Variants in PSEN1 observed in about 807,000 individuals in gnomAD.
The protein encoded by PSEN1 is presenilin-1.
A neutral mutation model predicts 53.5 loss-of-function variants in PSEN1; 15 were observed. That is an observed-to-expected ratio of 0.28 (90% CI 0.19 to 0.43). PSEN1 has a LOEUF of 0.43. Among genes scored for constraint, PSEN1 ranks in the 20% least tolerant of loss-of-function variants. The probability of loss-of-function intolerance (pLI) is 1.00; values close to 1 mark genes in which losing one functional copy is unlikely to be tolerated. For synonymous variants in PSEN1, 208 were observed against 209.8 expected (o/e 0.99, Z 0.08); for missense variants, 387 against 571.2 (o/e 0.68, Z 3.29).
chr14:73,197,843 T>G (rs1242104198), intron 7 of PSEN1, 188 bp from the exon 8 acceptor site: 1 of 588,934 alleles, frequency 1.7e-6, no homozygotes, highest in African/African-American at 1.9e-5. Context: ...CATTTTATTT[T>G]GTTTATGTTG....
chr14:73,162,640 CAG>C lies in PSEN1; in HGVS notation c.88-8153_88-8152del, dbSNP rs369169349. Among the ~76,000 whole-genome samples the C allele has an allele frequency of 3.1e-3, 474 of 152,072 alleles. 2 individuals are homozygous for C. The highest frequency in any genetic ancestry group is 8.6e-3 in the African/African-American group (358 of 41,496). On this transcript the variant is annotated intron_variant, in intron 3 of 11. Coordinates refer to ENST00000324501, the MANE Select transcript of PSEN1 (RefSeq NM_000021.4). The stretch of plus-strand genomic sequence containing the variant: ...ATGCCACTGCACTGCAGCCTAGTGA[CAG>C]AGAATCTGTCTCAAAGATAAGAAGA...
intron 9 of PSEN1, among the ~76,000 whole-genome samples, chr14:73,207,550 C>T (rs938579864): frequency 6.6e-6 from 1 of 152,204 alleles, no homozygotes; most frequent in Non-Finnish European, 1.5e-5. Flanking sequence ...TACTTTCAAC[C>T]AGGAATTCCT....
intron 6 of PSEN1, among the ~76,000 whole-genome samples, chr14:73,189,295 A>AT (rs1156931966): frequency 6.6e-6 from 1 of 152,218 alleles, no homozygotes; most frequent in Non-Finnish European, 1.5e-5. Context: ...TGGTAAGGCA[A>AT]TTAATTGATT....
At chr14:73,156,676 T>G (rs1311983823) in intron 3 of PSEN1, among the ~76,000 whole-genome samples, 1 of 151,946 alleles carries the variant, frequency 6.6e-6, no homozygotes, top group Non-Finnish European at 1.5e-5. Flanking sequence ...TTTGTTTTTT[T>G]TTTTGAGATG....
chr14:73,202,723 C>T (rs879134852), intron 8 of PSEN1, among the ~76,000 whole-genome samples: 2 of 151,452 alleles, frequency 1.3e-5, no homozygotes, highest in Admixed American at 6.6e-5. Context: ...CTGCCCTCCT[C>T]GGCCTCCCAA....
chr14:73,151,956 G>GT (rs1300044225), intron 3 of PSEN1, among the ~76,000 whole-genome samples: 2 of 121,270 alleles, frequency 1.6e-5, no homozygotes, highest in Admixed American at 2.1e-4. Context: ...CTGTTGCCCA[G>GT]GCTGGAGTGC....
At chr14:73,214,329 G>A (rs902577528) in intron 10 of PSEN1, among the ~76,000 whole-genome samples, 11 of 151,994 alleles carry the variant, frequency 7.2e-5, no homozygotes, top group Admixed American at 5.9e-4. Context: ...TCAGGAGTTC[G>A]AGACCAGCCC....
intron 3 of PSEN1, among the ~76,000 whole-genome samples, chr14:73,157,208 G>A (rs765294054): frequency 8.0e-5 from 12 of 150,358 alleles, no homozygotes; most frequent in African/African-American, 1.2e-4. Context: ...TCACTGCAAC[G>A]TCTGCCTCCT....
At chr14:73,205,058 G>A (rs751378088) in intron 8 of PSEN1, among the ~76,000 whole-genome samples, 15 of 152,174 alleles carry the variant, frequency 9.9e-5, no homozygotes, top group Non-Finnish European at 1.9e-4. Flanking sequence ...CAAGGTGGTC[G>A]TTCAGCTTCT....
intron 7 of PSEN1, 44 bp from the exon 8 acceptor site, chr14:73,197,987 C>A: frequency 9.3e-7 from 1 of 1,074,922 alleles, no homozygotes; most frequent in Non-Finnish European, 1.4e-6. Context: ...ACAAGTTTAG[C>A]CCATACATTT....
At chr14:73,190,986 C>T (rs1205552223) in intron 6 of PSEN1, among the ~76,000 whole-genome samples, 1 of 152,140 alleles carries the variant, frequency 6.6e-6, no homozygotes, top group Non-Finnish European at 1.5e-5. Context: ...TTGGATGGTA[C>T]CTGAAACTGA....
Position 73,221,914 on chromosome 14 carries a change from T to A in PSEN1, c.*2625T>A, listed in dbSNP as rs1031733170. On this transcript the variant is annotated 3_prime_UTR_variant, in exon 12 of 12. Coordinates refer to ENST00000324501, the MANE Select transcript of PSEN1 (RefSeq NM_000021.4). ...GAGTCGGGCAAAACCAGCAGTAGAG[T>A]ATGACCAGCCAAGCCAATCTGCTTA... 1 of 151,762 alleles carries A rather than the reference T, an allele frequency of 6.6e-6. No homozygotes were observed. The highest frequency in any genetic ancestry group is 1.5e-5 in the Non-Finnish European group (1 of 67,962). The allele number at this position is 151,762 out of a possible 1,614,324, so 9.4% of individuals were successfully genotyped here.
intron 10 of PSEN1, among the ~76,000 whole-genome samples, chr14:73,215,153 G>T (rs998392972): frequency 6.6e-6 from 1 of 151,740 alleles, no homozygotes; most frequent in African/African-American, 2.4e-5. Flanking sequence ...TAGAGACAAG[G>T]TTTCACCATG....
intron 4 of PSEN1, 67 bp downstream of exon 4, chr14:73,171,114 C>A: frequency 6.3e-7 from 1 of 1,583,012 alleles, no homozygotes; most frequent in Non-Finnish European, 8.6e-7. Flanking sequence ...ATGTCATCAT[C>A]ACCTTGAAGG....
intron 4 of PSEN1, among the ~76,000 whole-genome samples, chr14:73,172,636 A>C (rs1857696026): frequency 6.6e-6 from 1 of 152,230 alleles, no homozygotes; most frequent in African/African-American, 2.4e-5. Flanking sequence ...AGACCATATG[A>C]CCCATAGAGC....
chr14:73,164,201 T>G (rs1193121059), intron 3 of PSEN1, among the ~76,000 whole-genome samples: 2 of 152,222 alleles, frequency 1.3e-5, no homozygotes, highest in South Asian at 2.1e-4. Context: ...ACTGGGAGAA[T>G]GGTGCTGCTG....
intron 5 of PSEN1, among the ~76,000 whole-genome samples, chr14:73,182,360 G>C (rs1330896360): frequency 2.0e-5 from 3 of 151,986 alleles, no homozygotes. Flanking sequence ...AGGCATGGTG[G>C]TGTACCCACG....
intron 5 of PSEN1, chr14:73,174,337 G>A (rs140238059): frequency 0.016 from 2,455 of 153,320 alleles, 48 homozygotes; most frequent in East Asian, 0.049. Flanking sequence ...AGTTTCAAGC[G>A]ATTCTCCTGC....
At chr14:73,187,489 G>T (rs987170290) in intron 6 of PSEN1, among the ~76,000 whole-genome samples, 2 of 152,128 alleles carry the variant, frequency 1.3e-5, no homozygotes, top group South Asian at 2.1e-4. Flanking sequence ...AAATAAATTG[G>T]AGAGTTATTT....
Sources: allele counts gnomAD v4.1 joint callset (sites outside exome capture counted in the v4.1 genomes callset), GRCh38; gene constraint gnomAD v4.1.1; transcripts MANE v1.5; gene names NCBI Gene and HGNC (gene_info 2026-07-23, HGNC 2026-07-21).